Variants in SOCS6 observed in about 807,000 individuals in gnomAD.
The protein encoded by SOCS6 is suppressor of cytokine signaling 6.
Under a neutral mutation model 27.7 loss-of-function variants are expected in SOCS6, and 5 were observed. The observed-to-expected ratio is 0.18, with a 90% CI of 0.09 to 0.38. The LOEUF is 0.38. SOCS6 is among the 10% of genes least tolerant of loss of function. The pLI is 1.00. For missense variants in SOCS6, 595 were observed against 688.1 expected (o/e 0.86, Z 1.51); for synonymous variants, 271 against 260.0 (o/e 1.04, Z -0.41).
chr18:70,290,871 A>G (rs1224164527), intron 1 of SOCS6, among the ~76,000 whole-genome samples: 2 of 152,082 alleles, frequency 1.3e-5, no homozygotes, highest in Non-Finnish European at 1.5e-5. Flanking sequence ...TCTCTTCAGC[A>G]GGGCCTCCCA....
chr18:70,291,680 TCA>T (rs1311114992), intron 1 of SOCS6, among the ~76,000 whole-genome samples: 1 of 152,218 alleles, frequency 6.6e-6, no homozygotes, highest in Non-Finnish European at 1.5e-5. Context: ...TAAGATATTT[TCA>T]ATTTATCATG....
chr18:70,297,291 G>T (rs573697234), intron 1 of SOCS6, among the ~76,000 whole-genome samples: 1 of 151,468 alleles, frequency 6.6e-6, no homozygotes, highest in African/African-American at 2.4e-5. Flanking sequence ...GATTTTCTTC[G>T]TTCCTGTGTT....
In SOCS6 at chr18:70,326,808, T is replaced by C. The variant is rs1423112746; in HGVS notation, c.*532T>C. The C allele has an allele frequency of 6.0e-6, 1 of 167,568 alleles. No homozygotes were observed. Among genetic ancestry groups the C allele is most frequent in the Non-Finnish European group, 1.5e-5 (1 of 68,600 alleles). The allele number at this position is 167,568 out of a possible 1,614,324, so 10.4% of individuals were successfully genotyped here. Reference sequence around the variant, plus strand: ...CTTTAAAAAGATTTATTTAGAATCGTGAATTGACATAATCTTGGGTAATGG... The same window carrying C: ...CTTTAAAAAGATTTATTTAGAATCGCGAATTGACATAATCTTGGGTAATGG... On this transcript the variant is annotated 3_prime_UTR_variant, in exon 2 of 2. Coordinates refer to ENST00000397942, the MANE Select transcript of SOCS6 (RefSeq NM_004232.4).
At chr18:70,306,367 G>A (rs942951287) in intron 1 of SOCS6, among the ~76,000 whole-genome samples, 1 of 151,244 alleles carries the variant, frequency 6.6e-6, no homozygotes, top group Admixed American at 6.6e-5. Context: ...AGGCTACTGG[G>A]GAGGCTACTG....
rs577446012 is a variant in SOCS6, at chr18:70,329,896, T to A, written c.*3620T>A. 13 of 167,198 alleles carry A rather than the reference T, an allele frequency of 7.8e-5. No individual in the cohort carries two copies. In the East Asian group the frequency reaches 2.5e-3, roughly 32 times the overall value. 10.4% of individuals were successfully genotyped at this position (167,198 alleles called of 1,614,324 possible). On this transcript the variant is annotated 3_prime_UTR_variant, in exon 2 of 2. Transcript: ENST00000397942. ...AGATTATGAAAAATTCTTATAGAAT[T>A]TTGTAACAAGTATTTACATGTTGGG...
rs1284292725 is a variant in SOCS6, at chr18:70,329,315, G to A, written c.*3039G>A. The A allele has an allele frequency of 6.0e-6, 1 of 167,060 alleles. No homozygotes were observed. Among genetic ancestry groups the A allele is most frequent in the African/African-American group, 2.4e-5 (1 of 41,450 alleles). The allele number at this position is 167,060 out of a possible 1,614,324, so 10.3% of individuals were successfully genotyped here. On this transcript the variant is annotated 3_prime_UTR_variant, in exon 2 of 2. Coordinates refer to ENST00000397942, the MANE Select transcript of SOCS6 (RefSeq NM_004232.4). Reference sequence around the variant, plus strand: ...ACACGGGGCAACCAACCATCTTGCTGTTGAAGAAAACAGTTCCAAAAGGCT... The same window carrying A: ...ACACGGGGCAACCAACCATCTTGCTATTGAAGAAAACAGTTCCAAAAGGCT...
rs1600174307 is a variant in SOCS6, at chr18:70,328,744, A to G, written c.*2468A>G. On this transcript the variant is annotated 3_prime_UTR_variant, in exon 2 of 2. Coordinates refer to ENST00000397942, the MANE Select transcript of SOCS6 (RefSeq NM_004232.4). The stretch of plus-strand genomic sequence containing the variant: ...TTTGCGATATTTTCTACTTTTGTGT[A>G]GAAAGATAACCATTTGGGGTAGGCA... 6.0e-6 allele frequency: 1 copy of G among 167,026 alleles called. No homozygotes were observed. The highest frequency in any genetic ancestry group is 6.6e-5 in the Admixed American group (1 of 15,266). The allele number at this position is 167,026 out of a possible 1,614,324, so 10.3% of individuals were successfully genotyped here. A position where few individuals can be genotyped will look rare whatever the true frequency, so the allele number is the denominator to read the frequency against.
At chr18:70,319,286 A>G (rs955931926) in intron 1 of SOCS6, among the ~76,000 whole-genome samples, 19 of 152,232 alleles carry the variant, frequency 1.2e-4, no homozygotes, top group Non-Finnish European at 2.2e-4. Flanking sequence ...GCAGGTTCAG[A>G]AATTGACAAT....
chr18:70,319,274 A>G (rs538487530), intron 1 of SOCS6, among the ~76,000 whole-genome samples: 1 of 152,234 alleles, frequency 6.6e-6, no homozygotes, highest in Non-Finnish European at 1.5e-5. Flanking sequence ...TACATGAACC[A>G]TGCAGGTTCA....
chr18:70,297,053 T>A (rs2062327252), intron 1 of SOCS6, among the ~76,000 whole-genome samples: 1 of 152,046 alleles, frequency 6.6e-6, no homozygotes, highest in Admixed American at 6.6e-5. Context: ...TCCCTCAATT[T>A]TTCTTTTATT....
At chr18:70,289,800 A>G (rs182224078) in intron 1 of SOCS6, among the ~76,000 whole-genome samples, 1 of 152,238 alleles carries the variant, frequency 6.6e-6, no homozygotes, top group East Asian at 1.9e-4. Flanking sequence ...CGATTGTGGA[A>G]TTTAAACCGC....
chr18:70,293,044 G>A (rs1431296522), intron 1 of SOCS6, among the ~76,000 whole-genome samples: 2 of 150,378 alleles, frequency 1.3e-5, no homozygotes, highest in East Asian at 2.0e-4. Flanking sequence ...CTGTTCCCCC[G>A]CCACCCCCCC....
rs143065206 is a variant in SOCS6 at position 70,318,152 on chromosome 18, G to A, written c.-126-6391G>A. 2.8e-3 allele frequency among the ~76,000 whole-genome samples: 422 copies of A among 152,154 alleles called. 1 individual carries two copies. Among genetic ancestry groups the A allele is most frequent in the Non-Finnish European group, 4.6e-3 (315 of 67,998 alleles). On this transcript the variant is annotated intron_variant, in intron 1 of 1. Coordinates refer to ENST00000397942, the MANE Select transcript of SOCS6 (RefSeq NM_004232.4). ...ATGACAGGCGTGAACCACTGTACCTGGCCTATTATTTATTATATAGTTTTT... is the reference window on the plus strand; with the variant it reads ...ATGACAGGCGTGAACCACTGTACCTAGCCTATTATTTATTATATAGTTTTT...
chr18:70,316,238 TTAA>T (rs2062410884), intron 1 of SOCS6, among the ~76,000 whole-genome samples: 1 of 152,200 alleles, frequency 6.6e-6, no homozygotes, highest in Admixed American at 6.5e-5. Context: ...ATGTTTGATT[TTAA>T]TTTAATTAAT....
intron 1 of SOCS6, among the ~76,000 whole-genome samples, chr18:70,290,680 G>A (rs879374641): frequency 2.0e-5 from 3 of 152,226 alleles, no homozygotes; most frequent in Non-Finnish European, 2.9e-5. Flanking sequence ...ATTCCTAGAA[G>A]AACTTCTATC....
intron 1 of SOCS6, among the ~76,000 whole-genome samples, chr18:70,290,569 AAATT>A (rs1349495743): frequency 6.6e-6 from 1 of 152,132 alleles, no homozygotes; most frequent in African/African-American, 2.4e-5. Flanking sequence ...ATTCAGCTCT[AAATT>A]AAATATGTGG....
intron 1 of SOCS6, among the ~76,000 whole-genome samples, chr18:70,317,112 G>A (rs758754735): frequency 4.6e-5 from 7 of 152,118 alleles, no homozygotes; most frequent in Non-Finnish European, 8.8e-5. Flanking sequence ...TTACATGGAA[G>A]TTCTTTAGTG....
intron 1 of SOCS6, among the ~76,000 whole-genome samples, chr18:70,296,902 C>CTT (rs1398979014): frequency 1.3e-5 from 1 of 77,056 alleles, no homozygotes; most frequent in Admixed American, 1.8e-4. Context: ...TTCTCATTTT[C>CTT]TTTCTTTTTT....
chr18:70,326,095 G>T lies in SOCS6; in HGVS notation c.1427G>T (p.Arg476Leu). The change falls in exon 2 of 2, where the codon CGG (arginine) becomes CTG (leucine). Residue 476 changes from arginine to leucine, a missense_variant. This residue lies in a region of SOCS6 where 128 missense variants were observed against 207.0 expected (regional missense o/e 0.62). Transcript: ENST00000397942. ...GGAGCTTTTTGTTATTCAAGGTCTC[G>T]GCTGCCTGGATCTGCAACTTACCCC... is the stretch of plus-strand genomic sequence containing the variant. Reference protein sequence around the residue: ...ENGAFCYSRSRLPGSATYPVR... With the variant: ...ENGAFCYSRSLLPGSATYPVR... 6.2e-7 allele frequency: 1 copy of T among 1,614,122 alleles called. No individual in the cohort carries two copies. Among genetic ancestry groups the T allele is most frequent in the Non-Finnish European group, 8.5e-7 (1 of 1,180,030 alleles).
Sources: allele counts gnomAD v4.1 joint callset (sites outside exome capture counted in the v4.1 genomes callset), GRCh38; gene constraint gnomAD v4.1.1; regional missense constraint gnomAD v4.1.1; transcripts MANE v1.5; gene names NCBI Gene and HGNC (gene_info 2026-07-23, HGNC 2026-07-21).